The following TBC1D16 variants were observed in gnomAD, a reference collection of about 807,000 sequenced individuals.
TBC1D16 encodes TBC1 domain family member 16, also known as CTD-2529O21.1.
TBC1D16 carries 58 observed loss-of-function variants against 74.7 expected under a neutral mutation model. The observed-to-expected ratio is 0.78, with a 90% confidence interval of 0.63 to 0.97. TBC1D16 has a LOEUF of 0.97. Among genes scored for constraint, TBC1D16 ranks in the 50% least tolerant of loss-of-function variants. TBC1D16 has a pLI of 0.00. For missense variants in TBC1D16, 1,014 were observed against 1,079.5 expected (o/e 0.94, Z 0.85); for synonymous variants, 493 against 474.7 (o/e 1.04, Z -0.50).
rs1160712374 is a variant in TBC1D16, at chr17:80,009,161, C to T, written c.779+999G>A. ...GCCCAGGCGAGACCCAGACCACCCACGTCCAGCATGCGCCCGGCTCACACC... is the reference window on the plus strand; with the variant it reads ...GCCCAGGCGAGACCCAGACCACCCATGTCCAGCATGCGCCCGGCTCACACC... On this transcript the variant is annotated intron_variant, in intron 3 of 11. Coordinates refer to ENST00000310924, the MANE Select transcript of TBC1D16 (RefSeq NM_019020.4). The surrounding 1 kb of genome is among the most constrained non-coding windows in gnomAD (Gnocchi z 5.4). Among the ~76,000 whole-genome samples the T allele has an allele frequency of 1.3e-5, 2 of 152,252 alleles. No individual in the cohort carries two copies. Among genetic ancestry groups the T allele is most frequent in the Non-Finnish European group, 2.9e-5 (2 of 68,042 alleles).
At chr17:79,955,251 T>C (rs2033283017) in intron 3 of TBC1D16, among the ~76,000 whole-genome samples, 1 of 152,240 alleles carries the variant, frequency 6.6e-6, no homozygotes, top group African/African-American at 2.4e-5. Flanking sequence ...TCGCTTTCAT[T>C]GGGGTACGTC....
At position 79,944,064 on chromosome 17, in the gene TBC1D16, G is replaced by A. The variant is rs1483265710; in HGVS notation, c.1908+844C>T. 5.9e-6 allele frequency: 9 copies of A among 1,536,006 alleles called. No homozygotes were observed. Among genetic ancestry groups the A allele is most frequent in the East Asian group, 4.9e-5 (2 of 40,896 alleles). On this transcript the variant is annotated intron_variant, in intron 10 of 11. Transcript: ENST00000310924. The surrounding 1 kb of genome is among the most constrained non-coding windows in gnomAD (Gnocchi z 7.7). ...GCATGCAAAGGCGGCGTGTGGTACC[G>A]GCACTCGGTGGCTTCAGACTCGCTT...
At chr17:79,998,340 T>G (rs72848420) in intron 3 of TBC1D16, among the ~76,000 whole-genome samples, 57,904 of 150,224 alleles carry the variant, frequency 0.39, 12,027 homozygotes, top group Admixed American at 0.53. Context: ...GTTTTTTGTT[T>G]TTTTTGAGAT....
intron 3 of TBC1D16, among the ~76,000 whole-genome samples, chr17:80,003,674 A>AC (rs2035574735): frequency 6.6e-6 from 1 of 151,466 alleles, no homozygotes; most frequent in African/African-American, 2.4e-5. Context: ...TCATAATCAC[A>AC]CTAGGCTAAC....
At chr17:79,947,901 C>G in intron 8 of TBC1D16, 70 bp from the exon 9 acceptor site, 1 of 1,367,752 alleles carries the variant, frequency 7.3e-7, no homozygotes, top group Non-Finnish European at 1.0e-6. Context: ...GCCTGCAGAA[C>G]CCTGGGCCGT....
At chr17:79,953,745 T>C (rs1354159711) in intron 3 of TBC1D16, among the ~76,000 whole-genome samples, 2 of 152,228 alleles carry the variant, frequency 1.3e-5, no homozygotes, top group East Asian at 3.8e-4. Context: ...TCTTGTCTCT[T>C]GAGATTTTTT....
At chr17:79,943,089 G>A (rs779350386) in intron 10 of TBC1D16, among the ~76,000 whole-genome samples, 12 of 152,344 alleles carry the variant, frequency 7.9e-5, no homozygotes, top group South Asian at 2.1e-4. Context: ...CAAACCAGAC[G>A]GAACGGTGTC....
chr17:79,979,916 G>A lies in TBC1D16; in HGVS notation c.780-27098C>T, dbSNP rs112330686. ...GGCTCTGCGGGCCAGAGCTTGGGGCGCAGGAGGCCAAGGTCCAGGTCCCAG... is the reference window on the plus strand; with the variant it reads ...GGCTCTGCGGGCCAGAGCTTGGGGCACAGGAGGCCAAGGTCCAGGTCCCAG... On this transcript the variant is annotated intron_variant, in intron 3 of 11. Transcript: ENST00000310924. This position sits in a 1 kb window ranked among gnomAD's most constrained non-coding sequence, Gnocchi z 4.8. 4.5e-3 allele frequency among the ~76,000 whole-genome samples: 678 copies of A among 152,204 alleles called. 3 individuals carry two copies. The highest frequency in any genetic ancestry group is 0.016 in the African/African-American group (657 of 41,540).
chr17:79,947,561 T>C (rs2032649278), intron 9 of TBC1D16, 84 bp downstream of exon 9: 9 of 1,496,172 alleles, frequency 6.0e-6, no homozygotes, highest in Non-Finnish European at 8.3e-6. Flanking sequence ...AAGCCACGCA[T>C]CACCACGGCA....
chr17:79,987,577 A>G lies in TBC1D16; in HGVS notation c.779+22583T>C, dbSNP rs2144413129. Among the ~76,000 whole-genome samples the G allele has an allele frequency of 6.6e-6, 1 of 152,190 alleles. No homozygotes were observed. The highest frequency in any genetic ancestry group is 1.9e-4 in the East Asian group (1 of 5,172). On this transcript the variant is annotated intron_variant, in intron 3 of 11. Coordinates refer to ENST00000310924, the MANE Select transcript of TBC1D16 (RefSeq NM_019020.4). This position sits in a 1 kb window ranked among gnomAD's most constrained non-coding sequence, Gnocchi z 5.2. ...TTAAACCAGAATAAGCAGGTACAGA[A>G]GTTTGCCTGGTGACCAGGAGTCATG...
chr17:80,003,420 G>A (rs766228434), intron 3 of TBC1D16, among the ~76,000 whole-genome samples: 24 of 152,246 alleles, frequency 1.6e-4, no homozygotes, highest in African/African-American at 3.4e-4. Flanking sequence ...CCCCGCTGGC[G>A]GCACGGGACC....
intron 7 of TBC1D16, 40 bp downstream of exon 7, chr17:79,949,677 G>C: frequency 6.3e-7 from 1 of 1,581,204 alleles, no homozygotes; most frequent in Non-Finnish European, 8.6e-7. Context: ...ATTTTCCTCC[G>C]CGGCTCGGCG....
At position 80,035,787 on chromosome 17, in the gene TBC1D16, A is replaced by G. The variant is rs1027053482; in HGVS notation, c.-63+8T>C. 4.1e-5 allele frequency: 6 copies of G among 144,858 alleles called. No individual in the cohort carries two copies. Among genetic ancestry groups the G allele is most frequent in the African/African-American group, 1.5e-4 (6 of 40,082 alleles). 9.0% of individuals were successfully genotyped at this position (144,858 alleles called of 1,614,324 possible). On this transcript the variant is annotated splice_region_variant and intron_variant, in intron 1 of 11. Transcript: ENST00000310924. The surrounding 1 kb of genome is among the most constrained non-coding windows in gnomAD (Gnocchi z 5.3). ...CCCCCGCGGCCCCGTCCGGGCCCCGATACCCACCCGGGTCCCGCTGCGGGG... is the reference window on the plus strand; with the variant it reads ...CCCCCGCGGCCCCGTCCGGGCCCCGGTACCCACCCGGGTCCCGCTGCGGGG...
chr17:80,014,917 A>T (rs2036032516), intron 1 of TBC1D16, among the ~76,000 whole-genome samples: 1 of 152,198 alleles, frequency 6.6e-6, no homozygotes, highest in African/African-American at 2.4e-5. Flanking sequence ...GGGACGTATG[A>T]AATGTATATA....
chr17:80,023,050 C>T (rs984983057), intron 1 of TBC1D16, among the ~76,000 whole-genome samples: 4 of 150,218 alleles, frequency 2.7e-5, no homozygotes, highest in Non-Finnish European at 5.9e-5. Flanking sequence ...GCTGCCGCAA[C>T]GCTGCACATG....
rs146512709 is a variant in TBC1D16, at chr17:79,983,554, C to T, written c.779+26606G>A. Among the ~76,000 whole-genome samples, 23 of 152,306 alleles carry T rather than the reference C, an allele frequency of 1.5e-4. No homozygotes were observed. The East Asian group carries it at 2.7e-3, about 18-fold the overall frequency. ...CCTCAGGCACGGGGAGCTGAGCCAC[C>T]GACGGCTACAAAGACGGGGACGCTT... On this transcript the variant is annotated intron_variant, in intron 3 of 11. Transcript: ENST00000310924. This position sits in a 1 kb window ranked among gnomAD's most constrained non-coding sequence, Gnocchi z 5.6.
intron 3 of TBC1D16, among the ~76,000 whole-genome samples, chr17:79,968,137 C>T (rs2033916271): frequency 1.3e-5 from 2 of 152,126 alleles, no homozygotes; most frequent in Admixed American, 6.6e-5. Flanking sequence ...GGATTACAGG[C>T]GTGCGCCACC....
chr17:79,957,407 T>G (rs1281698462), intron 3 of TBC1D16, among the ~76,000 whole-genome samples: 2 of 152,160 alleles, frequency 1.3e-5, no homozygotes, highest in Non-Finnish European at 2.9e-5. Flanking sequence ...GGAACTTCAG[T>G]GCGTCTTACG....
chr17:79,978,832 G>A (rs1258628181), intron 3 of TBC1D16, among the ~76,000 whole-genome samples: 1 of 152,162 alleles, frequency 6.6e-6, no homozygotes, highest in Admixed American at 6.5e-5. Context: ...GAGGCAAAGG[G>A]ACGCTGGGTA....
Sources: gnomAD v4.1 joint callset for allele counts (sites outside exome capture counted in the v4.1 genomes callset) on GRCh38, gnomAD v4.1.1 for gene constraint, Gnocchi (gnomAD v3.1) non-coding constraint, MANE v1.5 for transcripts, NCBI Gene and HGNC (gene_info 2026-07-23, HGNC 2026-07-21) for gene names.